Variants in TBC1D31 observed in about 807,000 individuals in gnomAD.
The protein encoded by TBC1D31 is TBC1 domain family member 31, also known as WD repeat domain 67.
In TBC1D31, 99 loss-of-function variants were observed where a neutral mutation model predicts 132.9. That is an observed-to-expected ratio of 0.74 (90% CI 0.63 to 0.88). The LOEUF (loss-of-function observed/expected upper bound fraction) is 0.88, where lower values mean the gene tolerates loss of function less well. Ranked by LOEUF, TBC1D31 falls within the 40% of genes least tolerant of loss-of-function variation. TBC1D31 has a pLI of 0.00. For missense variants in TBC1D31, 1,134 were observed against 1,256.6 expected, an observed-to-expected ratio of 0.90 and a Z score of 1.48; for synonymous variants, 385 against 419.4, an observed-to-expected ratio of 0.92 and a Z score of 1.00.
At position 123,126,514 on chromosome 8, in the gene TBC1D31, G is replaced by C; in HGVS notation, c.1711G>C (p.Ala571Pro). 2 of 1,613,590 alleles carry C rather than the reference G, an allele frequency of 1.2e-6. No homozygotes were observed. The highest frequency in any genetic ancestry group is 1.7e-6 in the Non-Finnish European group (2 of 1,179,864). Reference protein sequence around the residue: ...IDHDITSQLYAWPLLETVFSE... With the variant: ...IDHDITSQLYPWPLLETVFSE... ...TTTTCCTTATCTGTTTTAGCTATAT[G>C]CATGGCCTCTTCTTGAAACTGTGTT... The change falls in exon 13 of 22, where the codon GCA (alanine) becomes CCA (proline). Residue 571 changes from alanine to proline, a missense_variant. Coordinates refer to ENST00000287380, the MANE Select transcript of TBC1D31 (RefSeq NM_145647.4).
At position 123,109,962 on chromosome 8, in the gene TBC1D31, G is replaced by A. The variant is rs1258831765; in HGVS notation, c.1436+342G>A. 3.3e-5 allele frequency among the ~76,000 whole-genome samples: 5 copies of A among 152,114 alleles called. No individual in the cohort carries two copies. In the East Asian group the frequency reaches 5.8e-4, roughly 18 times the overall value. ...ACAAAAATTAGCTGGGTGTGGTGGC[G>A]GGCATCTATAATCCCAGCTACTCAG... On this transcript the variant is annotated intron_variant, in intron 10 of 21. Coordinates refer to ENST00000287380, the MANE Select transcript of TBC1D31 (RefSeq NM_145647.4).
intron 10 of TBC1D31, among the ~76,000 whole-genome samples, chr8:123,116,126 A>G (rs1312457847): frequency 6.6e-6 from 1 of 152,218 alleles, no homozygotes; most frequent in Non-Finnish European, 1.5e-5. Flanking sequence ...GAGTCTAACA[A>G]TAGACCCAGC....
At chr8:123,081,532 A>G (rs1563669188) in intron 2 of TBC1D31, among the ~76,000 whole-genome samples, 1 of 152,250 alleles carries the variant, frequency 6.6e-6, no homozygotes, top group East Asian at 1.9e-4. Context: ...ATATCTCAAT[A>G]ATTTTTAATT....
intron 4 of TBC1D31, among the ~76,000 whole-genome samples, chr8:123,092,002 G>C (rs1816372170): frequency 6.6e-6 from 1 of 152,144 alleles, no homozygotes; most frequent in South Asian, 2.1e-4. Context: ...ACTTTGCCCA[G>C]TATTCCCAAA....
At chr8:123,086,182 G>A (rs1016186044) in intron 4 of TBC1D31, among the ~76,000 whole-genome samples, 5 of 145,244 alleles carry the variant, frequency 3.4e-5, no homozygotes, top group African/African-American at 7.7e-5. Context: ...GGGTTTCCAC[G>A]CTGCTACCCC....
chr8:123,141,753 G>A (rs996109649), intron 18 of TBC1D31, among the ~76,000 whole-genome samples: 1 of 148,880 alleles, frequency 6.7e-6, no homozygotes, highest in East Asian at 2.0e-4. Context: ...CCTCTTCAGA[G>A]TGCTGAAAAC....
At position 123,084,335 on chromosome 8, in the gene TBC1D31, CAGA is replaced by C. The variant is rs763932783; in HGVS notation, c.517_519del (p.Lys173del). 1.5e-5 allele frequency: 24 copies of C among 1,613,764 alleles called. No homozygotes were observed. The highest frequency in any genetic ancestry group is 1.8e-5 in the Non-Finnish European group (21 of 1,179,856). ...GAATATTCGCCAGTCTGTGGGTATACAGAAGGTCAGTGAGGGGGTACATCTTGG... is the reference window on the plus strand; with the variant it reads ...GAATATTCGCCAGTCTGTGGGTATACAGGTCAGTGAGGGGGTACATCTTGG... On this transcript the variant is annotated inframe_deletion and splice_region_variant, in exon 4 of 22. Transcript: ENST00000287380.
rs7830172 is a variant in TBC1D31 at position 123,127,366 on chromosome 8, G to C, written c.1884+679G>C. On this transcript the variant is annotated intron_variant, in intron 13 of 21. Transcript: ENST00000287380. ...GTTCACTGCAACCTCTGCCTCCCGG[G>C]TTCAAGAGATTCTCCTGCCTCAGCC... 3.0e-3 allele frequency among the ~76,000 whole-genome samples: 440 copies of C among 147,202 alleles called. 3 individuals are homozygous for C. The highest frequency in any genetic ancestry group is 0.011 in the African/African-American group (423 of 39,230).
At chr8:123,135,114 G>A (rs1056178536) in intron 17 of TBC1D31, among the ~76,000 whole-genome samples, 20 of 152,120 alleles carry the variant, frequency 1.3e-4, no homozygotes, top group African/African-American at 3.4e-4. Flanking sequence ...TGCCCAGGCT[G>A]GTCCCAAACT....
chr8:123,079,156 ACTC>A (rs956513173), intron 2 of TBC1D31, among the ~76,000 whole-genome samples: 1 of 152,192 alleles, frequency 6.6e-6, no homozygotes, highest in Admixed American at 6.5e-5. Context: ...AGACTAAAGA[ACTC>A]CTAATCTGAG....
rs1822637668 is a variant in TBC1D31 at position 123,150,138 on chromosome 8, T to C, written c.3067+10T>C. ...GATCCCTCAACACAGAGTAAGTTGA[T>C]AAGCAAGAAAATGTTATTCTGCCAT... is the stretch of plus-strand genomic sequence containing the variant. On this transcript the variant is annotated intron_variant, in intron 21 of 21. Coordinates refer to ENST00000287380, the MANE Select transcript of TBC1D31 (RefSeq NM_145647.4). 1 of 1,594,732 alleles carries C rather than the reference T, an allele frequency of 6.3e-7. No individual in the cohort carries two copies.
chr8:123,142,155 G>C (rs2130912398), intron 18 of TBC1D31, 107 bp from the exon 19 acceptor site: 2 of 715,516 alleles, frequency 2.8e-6, no homozygotes, highest in Middle Eastern at 4.2e-4. Context: ...TATGCAGCCA[G>C]AGTTGTGAAC....
chr8:123,121,703 G>T (rs1586674923), intron 11 of TBC1D31, among the ~76,000 whole-genome samples: 1 of 152,322 alleles, frequency 6.6e-6, no homozygotes, highest in East Asian at 1.9e-4. Flanking sequence ...AGCCTGCAGA[G>T]CCATGAATCA....
intron 6 of TBC1D31, chr8:123,097,659 A>C (rs1816955994): frequency 2.3e-6 from 1 of 438,392 alleles, no homozygotes. Context: ...AAATCAACAT[A>C]CTGTAAATTT....
chr8:123,134,272 T>A, intron 17 of TBC1D31, 66 bp downstream of exon 17: 1 of 1,241,558 alleles, frequency 8.1e-7, no homozygotes, highest in Non-Finnish European at 1.2e-6. Flanking sequence ...CTCAAACCTG[T>A]AATCCCAGCA....
rs192533619 is a variant in TBC1D31 at position 123,100,798 on chromosome 8, C to A, written c.832-9C>A. The A allele has an allele frequency of 6.3e-5, 101 of 1,602,756 alleles. 1 individual carries two copies. In the African/African-American group the frequency reaches 1.3e-3, roughly 20 times the overall value. On this transcript the variant is annotated splice_polypyrimidine_tract_variant and intron_variant, in intron 6 of 21. Transcript: ENST00000287380. Reference sequence around the variant, plus strand: ...ATGTTTTTAGGAATTTATATTTTTTCTCTCTTAGGTTCTTGGAGTACTAAG... The same window carrying A: ...ATGTTTTTAGGAATTTATATTTTTTATCTCTTAGGTTCTTGGAGTACTAAG...
intron 7 of TBC1D31, chr8:123,102,370 T>TA: frequency 5.6e-5 from 17 of 304,250 alleles, no homozygotes; most frequent in Admixed American, 1.8e-4. Context: ...TTTTTTATTC[T>TA]AAAAAAAAGT....
intron 7 of TBC1D31, among the ~76,000 whole-genome samples, chr8:123,101,605 G>A (rs1012628146): frequency 1.3e-5 from 2 of 151,952 alleles, no homozygotes; most frequent in Non-Finnish European, 2.9e-5. Flanking sequence ...AGTAAAGATG[G>A]GGTTTCACAA....
At chr8:123,084,005 A>T (rs1485067160) in intron 3 of TBC1D31, 157 bp from the exon 4 acceptor site, 2 of 614,668 alleles carry the variant, frequency 3.3e-6, no homozygotes, top group East Asian at 5.4e-5. Context: ...ACACTTTATC[A>T]ACTAGCCACA....
Sources: allele counts gnomAD v4.1 joint callset (sites outside exome capture counted in the v4.1 genomes callset), GRCh38; gene constraint gnomAD v4.1.1; transcripts MANE v1.5; gene names NCBI Gene and HGNC (gene_info 2026-07-23, HGNC 2026-07-21).